The following PCDHA5 variants were observed in gnomAD, a reference collection of about 807,000 sequenced individuals.
PCDHA5 encodes protocadherin alpha 5, also known as protocadherin alpha-5.
A neutral mutation model predicts 61.6 loss-of-function variants in PCDHA5; 43 were observed. That is an observed-to-expected ratio of 0.70 (90% CI 0.55 to 0.90). The LOEUF (loss-of-function observed/expected upper bound fraction) is 0.90, where lower values mean the gene tolerates loss of function less well. Among genes scored for constraint, PCDHA5 ranks in the 40% least tolerant of loss-of-function variants. The pLI is 0.00. For synonymous variants in PCDHA5, 627 were observed against 543.9 expected, an observed-to-expected ratio of 1.15 and a Z score of -2.13; for missense variants, 1,298 against 1,222.7, an observed-to-expected ratio of 1.06 and a Z score of -0.92.
chr5:140,993,342 C>T (rs1554253606), intron 3 of PCDHA5, among the ~76,000 whole-genome samples: 1 of 151,994 alleles, frequency 6.6e-6, no homozygotes, highest in African/African-American at 2.4e-5. Flanking sequence ...TTGAAGGGCA[C>T]TACGAAGATC....
intron 1 of PCDHA5, among the ~76,000 whole-genome samples, chr5:140,956,246 C>T (rs2095270779): frequency 6.6e-6 from 1 of 152,094 alleles, no homozygotes; most frequent in African/African-American, 2.4e-5. Context: ...GGGAATGCTT[C>T]CAGGTTTTGC....
At chr5:140,861,554 C>G (rs1023234694) in intron 1 of PCDHA5, 16 of 398,878 alleles carry the variant, frequency 4.0e-5, no homozygotes, top group African/African-American at 3.3e-4. Flanking sequence ...TGGAAGTGAT[C>G]GTGGACAAGC....
intron 1 of PCDHA5, chr5:140,835,863 C>A (rs1214782595): frequency 1.2e-6 from 2 of 1,611,982 alleles, no homozygotes; most frequent in East Asian, 2.2e-5. Flanking sequence ...GTCCTACTCG[C>A]TGGTGGAGCT....
chr5:141,000,387 CTCTCTCTCTATATATA>C (rs1282156924), intron 3 of PCDHA5, among the ~76,000 whole-genome samples: 8 of 66,888 alleles, frequency 1.2e-4, no homozygotes, highest in African/African-American at 4.0e-4. Flanking sequence ...CTCTCTCTCT[CTCTCTCTCTATATATA>C]TATATATATA....
intron 1 of PCDHA5, among the ~76,000 whole-genome samples, chr5:140,941,343 G>C (rs2093045496): frequency 8.8e-6 from 1 of 114,104 alleles, no homozygotes. Context: ...TTCAGATGGA[G>C]TCTTGCTCTG....
intron 1 of PCDHA5, among the ~76,000 whole-genome samples, chr5:140,945,003 C>A (rs2093723763): frequency 6.6e-6 from 1 of 152,064 alleles, no homozygotes; most frequent in South Asian, 2.1e-4. Flanking sequence ...GGTTGTGGGT[C>A]ATGAATTATT....
chr5:140,926,539 G>A (rs910445315), intron 1 of PCDHA5: 2 of 216,944 alleles, frequency 9.2e-6, no homozygotes, highest in Non-Finnish European at 1.8e-5. Flanking sequence ...AGCCAGCGTG[G>A]TGGTCGAGAC....
intron 1 of PCDHA5, among the ~76,000 whole-genome samples, chr5:140,964,670 G>A (rs2095847592): frequency 6.6e-6 from 1 of 151,912 alleles, no homozygotes; most frequent in Non-Finnish European, 1.5e-5. Context: ...CACAGGCCAG[G>A]TCCACAATTT....
intron 3 of PCDHA5, among the ~76,000 whole-genome samples, chr5:141,008,162 G>A (rs1280112352): frequency 6.6e-6 from 1 of 152,128 alleles, no homozygotes; most frequent in East Asian, 1.9e-4. Flanking sequence ...ATAAGATGAG[G>A]ACTAAAATGT....
intron 1 of PCDHA5, among the ~76,000 whole-genome samples, chr5:140,972,866 G>A (rs1010114234): frequency 6.6e-6 from 1 of 152,046 alleles, no homozygotes; most frequent in Non-Finnish European, 1.5e-5. Context: ...GTTTCATCAT[G>A]TTGTCCAGGA....
intron 1 of PCDHA5, chr5:140,856,553 T>C (rs1319185539): frequency 6.3e-7 from 1 of 1,598,066 alleles, no homozygotes; most frequent in African/African-American, 1.3e-5. Context: ...ATTGCTTACT[T>C]ACAAACTCAG....
intron 1 of PCDHA5, chr5:140,850,381 G>C (rs2041568642): frequency 2.5e-6 from 4 of 1,597,894 alleles, no homozygotes; most frequent in Non-Finnish European, 3.4e-6. Flanking sequence ...CTGTACACGG[G>C]CGAGATCAGC....
At chr5:140,941,319 CTTT>C (rs70988781) in intron 1 of PCDHA5, among the ~76,000 whole-genome samples, 1 of 104,392 alleles carries the variant, frequency 9.6e-6, no homozygotes. Flanking sequence ...TCTTCTTTCT[CTTT>C]TTTTTTTTTT....
chr5:140,998,393 C>A (rs1178528705), intron 3 of PCDHA5, among the ~76,000 whole-genome samples: 12 of 152,288 alleles, frequency 7.9e-5, no homozygotes, highest in African/African-American at 2.4e-4. Flanking sequence ...TTAATGCCAT[C>A]TTTATGCCAA....
chr5:140,967,515 C>G, intron 1 of PCDHA5: 1 of 1,612,792 alleles, frequency 6.2e-7, no homozygotes, highest in Non-Finnish European at 8.5e-7. Flanking sequence ...GTCCTGGACA[C>G]TAACGACAAC....
At chr5:140,855,757 G>C (rs1242521250) in intron 1 of PCDHA5, 2 of 357,032 alleles carry the variant, frequency 5.6e-6, no homozygotes, top group African/African-American at 2.1e-5. Flanking sequence ...GGCTTTGAAA[G>C]TCCATAGACA....
chr5:140,966,538 C>T, intron 1 of PCDHA5: 2 of 463,262 alleles, frequency 4.3e-6, no homozygotes, highest in South Asian at 1.1e-4. Flanking sequence ...GGTTGAGCGA[C>T]TCGGAGGCGA....
chr5:140,829,948 C>T (rs1770701254), intron 1 of PCDHA5: 1 of 1,613,996 alleles, frequency 6.2e-7, no homozygotes, highest in Non-Finnish European at 8.5e-7. Flanking sequence ...GCAGCGCTCG[C>T]TTCCCGTTTC....
chr5:140,836,103 G>C, intron 1 of PCDHA5: 1 of 1,613,736 alleles, frequency 6.2e-7, no homozygotes, highest in Non-Finnish European at 8.5e-7. Flanking sequence ...GGGTGGCACT[G>C]GTGGCGCAGT....
Sources: allele counts gnomAD v4.1 joint callset (sites outside exome capture counted in the v4.1 genomes callset), GRCh38; gene constraint gnomAD v4.1.1; transcripts MANE v1.5; gene names NCBI Gene and HGNC (gene_info 2026-07-23, HGNC 2026-07-21).